Variants in TF observed in about 807,000 individuals in gnomAD.
TF encodes the protein serotransferrin.
TF carries 55 observed loss-of-function variants against 82.4 expected under a neutral mutation model. The ratio of observed to expected loss-of-function variants is 0.67; its 90% CI spans 0.54 to 0.84. The LOEUF (loss-of-function observed/expected upper bound fraction) is 0.84. TF is among the 40% of genes least tolerant of loss of function. The pLI is 0.00. For synonymous variants in TF, 332 were observed against 332.6 expected, an observed-to-expected ratio of 1.00 and a Z score of 0.02; for missense variants, 737 against 868.4, an observed-to-expected ratio of 0.85 and a Z score of 1.90.
chr3:133,756,178 A>C (rs970913974), intron 5 of TF, 104 bp from the exon 6 acceptor site: 1 of 1,143,998 alleles, frequency 8.7e-7, no homozygotes, highest in African/African-American at 1.5e-5. Flanking sequence ...GGGCTGCACC[A>C]GGCTCTATCC....
intron 13 of TF, among the ~76,000 whole-genome samples, chr3:133,769,263 T>A (rs1406801408): frequency 1.3e-5 from 2 of 152,218 alleles, no homozygotes; most frequent in African/African-American, 4.8e-5. Context: ...GTAAGTTAGA[T>A]TAAGTACAAT....
chr3:133,759,172 T>C lies in TF; in HGVS notation c.1049-3T>C, dbSNP rs1214304829. ...TGATCTTTGTTCTTTTTTTATGCCA[T>C]AGGCCCAGAAGCCCCAACAGATGAA... On this transcript the variant is annotated splice_polypyrimidine_tract_variant and splice_region_variant and intron_variant, in intron 8 of 16. Transcript: ENST00000402696. 3.7e-6 allele frequency: 6 copies of C among 1,612,866 alleles called. No homozygotes were observed. The highest frequency in any genetic ancestry group is 3.4e-6 in the Non-Finnish European group (4 of 1,179,438).
chr3:133,728,419 GAT>G, the TF span, among the ~76,000 whole-genome samples: 1 of 151,740 alleles, frequency 6.6e-6, no homozygotes, highest in East Asian at 1.9e-4. Context: ...TTCCATCACT[GAT>G]ACCCTTTCTT....
intron 2 of TF, among the ~76,000 whole-genome samples, chr3:133,749,792 A>G (rs542182064): frequency 6.6e-6 from 1 of 152,360 alleles, no homozygotes; most frequent in East Asian, 1.9e-4. Flanking sequence ...GGTTTCATTC[A>G]GTAACTGCTG....
the TF span, among the ~76,000 whole-genome samples, chr3:133,692,506 C>T: frequency 1.3e-5 from 2 of 152,202 alleles, no homozygotes; most frequent in Non-Finnish European, 2.9e-5. Flanking sequence ...GCGCTCCACT[C>T]AGTAGGCCCT....
the TF span, among the ~76,000 whole-genome samples, chr3:133,678,206 G>T: frequency 0.01 from 1,537 of 152,174 alleles, 27 homozygotes; most frequent in African/African-American, 0.035. Flanking sequence ...TTTTTTATGG[G>T]TGCATAGTAT....
At chr3:133,731,960 A>G in the TF span, among the ~76,000 whole-genome samples, 3 of 152,178 alleles carry the variant, frequency 2.0e-5, no homozygotes, top group African/African-American at 7.2e-5. Flanking sequence ...TATACAGAGA[A>G]AAAGTCCTGC....
chr3:133,770,882 A>T (rs1934242747), intron 14 of TF: 1 of 443,726 alleles, frequency 2.3e-6, no homozygotes, highest in Non-Finnish European at 4.1e-6. Context: ...GCATACCCAC[A>T]GTATGATTAC....
At chr3:133,667,966 C>G in the TF span, among the ~76,000 whole-genome samples, 1 of 152,228 alleles carries the variant, frequency 6.6e-6, no homozygotes, top group East Asian at 1.9e-4. Context: ...TCCTACAACT[C>G]GCATTGCAAT....
At chr3:133,682,994 C>T in the TF span, among the ~76,000 whole-genome samples, 3 of 152,266 alleles carry the variant, frequency 2.0e-5, no homozygotes, top group Admixed American at 2.0e-4. Context: ...ATCAGGCTAA[C>T]AGCTGATCTC....
chr3:133,777,801 T>C (rs1559880369), intron 16 of TF: 1 of 158,420 alleles, frequency 6.3e-6, no homozygotes, highest in Non-Finnish European at 1.4e-5. Context: ...TTGCTATGCA[T>C]ACTACTCATT....
At chr3:133,704,323 AG>A in the TF span, 1 of 224,862 alleles carries the variant, frequency 4.4e-6, no homozygotes. Context: ...CAGTAAGTGG[AG>A]GGGAGTGTCC....
At chr3:133,695,664 T>A in the TF span, among the ~76,000 whole-genome samples, 2 of 152,234 alleles carry the variant, frequency 1.3e-5, no homozygotes, top group Non-Finnish European at 2.9e-5. Flanking sequence ...AGAGTTTCTA[T>A]GTAAGCATTT....
At chr3:133,687,165 A>G in the TF span, among the ~76,000 whole-genome samples, 11 of 152,212 alleles carry the variant, frequency 7.2e-5, no homozygotes, top group East Asian at 2.1e-3. Context: ...TGGACACAGG[A>G]TGGGAAACAT....
chr3:133,790,080 A>C lies in TF; in HGVS notation c.*11460A>C, dbSNP rs1342387966. The C allele has an allele frequency of 1.3e-5, 2 of 152,188 alleles. No homozygotes were observed. The highest frequency in any genetic ancestry group is 2.9e-5 in the Non-Finnish European group (2 of 68,024). 9.4% of individuals were successfully genotyped at this position (152,188 alleles called of 1,614,324 possible). ...GATAGTGTCTAACATTTCGGTTTACAGAGGTAATCTAGATAAACTGTTAAA... is the reference window on the plus strand; with the variant it reads ...GATAGTGTCTAACATTTCGGTTTACCGAGGTAATCTAGATAAACTGTTAAA... On this transcript the variant is annotated 3_prime_UTR_variant, in exon 17 of 17. Coordinates refer to ENST00000402696, the MANE Select transcript of TF (RefSeq NM_001063.4).
At chr3:133,762,248 A>C (rs1271896876) in intron 9 of TF, 1 of 199,628 alleles carries the variant, frequency 5.0e-6, no homozygotes, top group East Asian at 1.2e-4. Context: ...AATTGTTCTT[A>C]TGTCATTGGA....
chr3:133,732,164 C>T, the TF span, among the ~76,000 whole-genome samples: 1 of 152,134 alleles, frequency 6.6e-6, no homozygotes, highest in Non-Finnish European at 1.5e-5. Context: ...GGATACTGTA[C>T]TAGGTGATTT....
At chr3:133,752,612 C>T (rs1299466367) in intron 2 of TF, among the ~76,000 whole-genome samples, 1 of 151,822 alleles carries the variant, frequency 6.6e-6, no homozygotes, top group Non-Finnish European at 1.5e-5. Flanking sequence ...TTTCAAGGGA[C>T]CTGTTGATGT....
chr3:133,739,619 GA>G, the TF span, among the ~76,000 whole-genome samples: 22 of 145,318 alleles, frequency 1.5e-4, no homozygotes, highest in African/African-American at 3.8e-4. Flanking sequence ...AAATTTACAA[GA>G]AAAAAAAAAC....
Sources: allele counts gnomAD v4.1 joint callset (sites outside exome capture counted in the v4.1 genomes callset), GRCh38; gene constraint gnomAD v4.1.1; transcripts MANE v1.5; gene names NCBI Gene and HGNC (gene_info 2026-07-23, HGNC 2026-07-21).